Variants in AP3D1 observed in about 807,000 individuals in gnomAD.
The protein encoded by AP3D1 is AP-3 complex subunit delta-1.
A neutral mutation model predicts 147.6 loss-of-function variants in AP3D1; 51 were observed. The observed-to-expected ratio is 0.35, with a 90% CI of 0.28 to 0.44. AP3D1 has a LOEUF of 0.44. Among genes scored for constraint, AP3D1 ranks in the 20% least tolerant of loss-of-function variants. The pLI, the probability that AP3D1 is intolerant of heterozygous loss-of-function variation, is 1.00. For synonymous variants in AP3D1, 760 were observed against 663.0 expected, an observed-to-expected ratio of 1.15 and a Z score of -2.25; for missense variants, 1,421 against 1,624.2, an observed-to-expected ratio of 0.87 and a Z score of 2.15.
At chr19:2,141,914 G>A (rs977583126) in intron 1 of AP3D1, among the ~76,000 whole-genome samples, 61 of 150,128 alleles carry the variant, frequency 4.1e-4, no homozygotes, top group African/African-American at 1.1e-3. Flanking sequence ...CATATTGGGC[G>A]AATTTTTAAA....
chr19:2,141,922 A>T (rs1302875761), intron 1 of AP3D1, among the ~76,000 whole-genome samples: 1 of 150,154 alleles, frequency 6.7e-6, no homozygotes. Flanking sequence ...GCGAATTTTT[A>T]AAATTATATA....
chr19:2,116,361 G>C, intron 17 of AP3D1, 83 bp from the exon 18 acceptor site: 1 of 1,440,176 alleles, frequency 6.9e-7, no homozygotes, highest in Non-Finnish European at 9.4e-7. Flanking sequence ...CACCCAGCTG[G>C]GGAAGGCTGG....
chr19:2,164,265 C>T (rs1207839189), intron 1 of AP3D1: 4 of 1,269,218 alleles, frequency 3.2e-6, no homozygotes, highest in Non-Finnish European at 4.0e-6. Flanking sequence ...TGCCGGTCTA[C>T]GTGAGTGCCG....
chr19:2,137,496 A>C (rs2018890), intron 3 of AP3D1, among the ~76,000 whole-genome samples: 1 of 151,776 alleles, frequency 6.6e-6, no homozygotes, highest in Non-Finnish European at 1.5e-5. Context: ...TTGTATTTTT[A>C]GTAGAGATGG....
intron 31 of AP3D1, among the ~76,000 whole-genome samples, chr19:2,107,826 G>A (rs879586272): frequency 3.3e-5 from 5 of 152,028 alleles, no homozygotes; most frequent in Middle Eastern, 3.4e-3. Context: ...CCATCAGAAC[G>A]GAAAGTGACC....
chr19:2,112,443 ATGAAATGTCCAGGACACAC>A (rs113756880), intron 24 of AP3D1: 23,522 of 179,238 alleles, frequency 0.13, 1,592 homozygotes, highest in Non-Finnish European at 0.16. Flanking sequence ...CCCCATTTCT[ATGAAATGTCCAGGACACAC>A]TGATCCACAG....
upstream of AP3D1, among the ~76,000 whole-genome samples, chr19:2,154,098 C>G (rs2019626155): frequency 6.6e-6 from 1 of 151,938 alleles, no homozygotes; most frequent in East Asian, 1.9e-4. Context: ...CAGCTGCCCA[C>G]CACCACCTCC....
intron 31 of AP3D1, among the ~76,000 whole-genome samples, chr19:2,102,778 AATAAAAT>A (rs2017995365): frequency 6.8e-6 from 1 of 147,466 alleles, no homozygotes; most frequent in South Asian, 2.1e-4. Context: ...TAAATAAATA[AATAAAAT>A]AAAAATAAAA....
chr19:2,111,547 C>T, intron 25 of AP3D1, 132 bp downstream of exon 25: 1 of 1,322,426 alleles, frequency 7.6e-7, no homozygotes, highest in Non-Finnish European at 1.0e-6. Context: ...GGCCAGTCCC[C>T]TGCCCCCGCC....
chr19:2,125,369 G>A (rs1424967550), intron 9 of AP3D1, among the ~76,000 whole-genome samples: 1 of 152,148 alleles, frequency 6.6e-6, no homozygotes, highest in Non-Finnish European at 1.5e-5. Flanking sequence ...AGGCTGGAGT[G>A]CAACGGCACA....
Position 2,144,881 on chromosome 19 carries a change from C to T in AP3D1, c.97-6167G>A, listed in dbSNP as rs180869934. ...TCGCACCACTGCACTCCAGCCTGGG[C>T]GACAGAGGGAGACTATGTCTCCAAA... On this transcript the variant is annotated intron_variant, in intron 1 of 31. Transcript: ENST00000643116. 3.8e-3 allele frequency among the ~76,000 whole-genome samples: 582 copies of T among 152,196 alleles called. 2 individuals are homozygous for T. Among genetic ancestry groups the T allele is most frequent in the Middle Eastern group, 0.01 (3 of 294 alleles).
intron 31 of AP3D1, among the ~76,000 whole-genome samples, chr19:2,106,663 G>A (rs1299206636): frequency 1.3e-5 from 2 of 152,200 alleles, no homozygotes; most frequent in African/African-American, 4.8e-5. Context: ...TGGGAGCAGC[G>A]ATGGATGAGT....
At chr19:2,115,515 G>A (rs762451416) in intron 19 of AP3D1, 23 bp downstream of exon 19, 23 of 1,611,796 alleles carry the variant, frequency 1.4e-5, no homozygotes, top group African/African-American at 6.7e-5. Context: ...CAAATGCGGC[G>A]CCGACACACC....
intron 1 of AP3D1, among the ~76,000 whole-genome samples, chr19:2,161,940 T>C (rs1041648895): frequency 2.0e-5 from 3 of 149,014 alleles, no homozygotes; most frequent in African/African-American, 7.4e-5. Context: ...AGTAAGACTA[T>C]GTCAATAAAT....
chr19:2,110,215 T>C lies in AP3D1; in HGVS notation c.3185A>G (p.Asn1062Ser), dbSNP rs762694144. Residue 1062 changes from asparagine to serine, a missense_variant, in exon 28 of 32, where the codon AAC becomes AGC. Asn to Ser is a conservative substitution (Grantham distance 46, BLOSUM62 1). This residue lies in a region of AP3D1 where 791 missense variants were observed against 761.4 expected (regional missense o/e 1.04). Coordinates refer to ENST00000643116, the MANE Select transcript of AP3D1 (RefSeq NM_001261826.3). ...VPFQLPPGVS[N>S]EAQYVFTIQS... ...GATGGTGAACACATACTGGGCTTCG[T>C]TGGAGACGCCTGGCGGGGGCGAGAG... 1.1e-5 allele frequency: 17 copies of C among 1,611,874 alleles called. No homozygotes were observed. Among genetic ancestry groups the C allele is most frequent in the South Asian group, 2.2e-5 (2 of 91,002 alleles).
rs752054956 is a variant in AP3D1, at chr19:2,110,729, G to A, written c.3153C>T (p.Pro1051=). 27 of 1,605,488 alleles carry A rather than the reference G, an allele frequency of 1.7e-5. 1 individual carries two copies. Among genetic ancestry groups the A allele is most frequent in the East Asian group, 4.5e-5 (2 of 44,484 alleles). The change falls in exon 27 of 32, where the codon CCC becomes CCT. Residue 1051 remains proline (P), a synonymous_variant. Transcript: ENST00000643116. ...PQGSSVHDGV[P]VPFQLPPGVS... ...CACCTGGGGGCAGCTGGAAAGGCAC[G>A]GGGACGCCATCGTGGACGGAGGAGC...
chr19:2,114,622 G>GGCCCCCC, intron 21 of AP3D1, 126 bp downstream of exon 21: 10 of 665,734 alleles, frequency 1.5e-5, no homozygotes, highest in East Asian at 5.6e-5. Flanking sequence ...TCTGGGGAAG[G>GGCCCCCC]CCCGCCCGCA....
chr19:2,146,909 G>T (rs1311654274), intron 1 of AP3D1, among the ~76,000 whole-genome samples: 1 of 152,214 alleles, frequency 6.6e-6, no homozygotes, highest in Non-Finnish European at 1.5e-5. Context: ...GGCACGGAGT[G>T]GGTGGGGGCG....
chr19:2,131,601 A>T (rs1441261322), intron 5 of AP3D1, among the ~76,000 whole-genome samples: 1 of 136,924 alleles, frequency 7.3e-6, no homozygotes, highest in Non-Finnish European at 1.5e-5. Context: ...CCAGGTGGAC[A>T]GGCAGCCACG....
Sources: gnomAD v4.1 joint callset for allele counts (sites outside exome capture counted in the v4.1 genomes callset) on GRCh38, gnomAD v4.1.1 for gene constraint, gnomAD v4.1.1 regional missense constraint, MANE v1.5 for transcripts, NCBI Gene and HGNC (gene_info 2026-07-23, HGNC 2026-07-21) for gene names.